ENPP2: variants seen among roughly 807,000 people sequenced by gnomAD.
The protein encoded by ENPP2 is autotaxin.
In ENPP2, 51 loss-of-function variants were observed where a neutral mutation model predicts 120.2. The ratio of observed to expected loss-of-function variants is 0.42; its 90% CI spans 0.34 to 0.54. The LOEUF is 0.54. Among genes scored for constraint, ENPP2 ranks in the 20% least tolerant of loss-of-function variants. ENPP2 has a pLI of 0.04. For missense variants in ENPP2, 920 were observed against 1,066.5 expected (o/e 0.86, Z 1.91); for synonymous variants, 365 against 366.4 (o/e 1.00, Z 0.04).
chr8:119,626,513 G>A (rs1816286740), intron 3 of ENPP2, 52 bp downstream of exon 3: 3 of 1,492,730 alleles, frequency 2.0e-6, no homozygotes, highest in Middle Eastern at 1.7e-4. Context: ...ACAATAGCAG[G>A]CAGTCTTTAA....
At chr8:119,652,569 GT>G (rs1817657224) in intron 1 of ENPP2, among the ~76,000 whole-genome samples, 1 of 152,072 alleles carries the variant, frequency 6.6e-6, no homozygotes. Context: ...CCCTCTTCCT[GT>G]CCCTTTCAGC....
chr8:119,634,755 T>G (rs1816897621), intron 2 of ENPP2, among the ~76,000 whole-genome samples: 1 of 152,184 alleles, frequency 6.6e-6, no homozygotes, highest in African/African-American at 2.4e-5. Flanking sequence ...AAAATATAAT[T>G]TTGGGGAAGA....
At chr8:119,641,566 C>T (rs981368784), upstream of ENPP2, among the ~76,000 whole-genome samples, 2 of 152,192 alleles carry the variant, frequency 1.3e-5, no homozygotes, top group African/African-American at 4.8e-5. Context: ...AGAACACTGC[C>T]CCCTGGCAGA....
At position 119,593,789 on chromosome 8, in the gene ENPP2, C is replaced by A. The variant is rs766065234; in HGVS notation, c.1044G>T (p.Leu348=). The part of the protein sequence containing the change: ...QLMDGLKQLK[L]HRCVNVIFVG... ...CAAAGATGACGTTGACACACCGATG[C>A]AGTTTTAGTTGTTTCAGTCCATCCA... The change falls in exon 12 of 25, where the codon CTG becomes CTT. Residue 348 remains leucine, a synonymous_variant. Coordinates refer to ENST00000075322, the MANE Select transcript of ENPP2 (RefSeq NM_001040092.3). 1.2e-6 allele frequency: 2 copies of A among 1,613,012 alleles called. No homozygotes were observed. The highest frequency in any genetic ancestry group is 2.2e-5 in the South Asian group (2 of 91,058).
intron 8 of ENPP2, among the ~76,000 whole-genome samples, chr8:119,611,071 A>AT (rs1469899889): frequency 6.6e-6 from 1 of 152,196 alleles, no homozygotes; most frequent in African/African-American, 2.4e-5. Context: ...ACAAATGGGA[A>AT]TGACATTGTA....
At chr8:119,673,346 G>A in exon 1 of ENPP2, 2 of 1,525,708 alleles carry the variant, frequency 1.3e-6, no homozygotes, top group Non-Finnish European at 1.8e-6. Flanking sequence ...CGCGACCTGG[G>A]AGCTGTGCTC....
At chr8:119,640,427 G>A (rs1227500674), upstream of ENPP2, among the ~76,000 whole-genome samples, 2 of 152,222 alleles carry the variant, frequency 1.3e-5, no homozygotes, top group East Asian at 3.9e-4. Flanking sequence ...AAAATATCAA[G>A]GCAATCCTGT....
intron 12 of ENPP2, chr8:119,592,964 TC>T (rs528677047): frequency 3.0e-4 from 294 of 981,330 alleles, no homozygotes; most frequent in Non-Finnish European, 3.1e-4. Context: ...CCAATTTTCA[TC>T]CTCCGAACTC....
chr8:119,627,485 G>C (rs1458046008), intron 2 of ENPP2, among the ~76,000 whole-genome samples: 1 of 151,876 alleles, frequency 6.6e-6, no homozygotes, highest in Non-Finnish European at 1.5e-5. Context: ...AAAATAGCTA[G>C]GTATTTTATT....
Position 119,569,299 on chromosome 8 carries a change from G to A in ENPP2, c.1989C>T (p.Phe663=). 1 of 1,613,996 alleles carries A rather than the reference G, an allele frequency of 6.2e-7. No homozygotes were observed. The highest frequency in any genetic ancestry group is 1.6e-4 in the Middle Eastern group (1 of 6,062). The change falls in exon 21 of 25, where the codon TTC becomes TTT. Residue 663 remains phenylalanine, a synonymous_variant. Coordinates refer to ENST00000075322, the MANE Select transcript of ENPP2 (RefSeq NM_001040092.3). The part of the protein sequence containing the change: ...VRPDVRVSPS[F]SQNCLAYKND... ...TTTTGTAGGCCAAACAGTTCTGACT[G>A]AAACTCGGAGAAACACGGACATCAG...
intron 2 of ENPP2, among the ~76,000 whole-genome samples, chr8:119,637,299 G>C (rs1817057456): frequency 6.6e-6 from 1 of 152,018 alleles, no homozygotes; most frequent in Admixed American, 6.6e-5. Context: ...TGTCCATTTG[G>C]CTCCCTGGGG....
intron 1 of ENPP2, among the ~76,000 whole-genome samples, chr8:119,671,292 C>T (rs1235078939): frequency 6.6e-6 from 1 of 151,992 alleles, no homozygotes; most frequent in Admixed American, 6.6e-5. Context: ...CAGAGCAAGA[C>T]TACATCTCAA....
chr8:119,587,824 A>G, intron 13 of ENPP2, among the ~76,000 whole-genome samples: 1 of 152,180 alleles, frequency 6.6e-6, no homozygotes, highest in Non-Finnish European at 1.5e-5. Flanking sequence ...TTTTGTTTTC[A>G]GGAAGTTTGC....
At chr8:119,583,895 C>T in intron 16 of ENPP2, 67 bp downstream of exon 16, 1 of 1,388,814 alleles carries the variant, frequency 7.2e-7, no homozygotes, top group Non-Finnish European at 1.0e-6. Flanking sequence ...TTCACTCACA[C>T]CACCATTACT....
intron 20 of ENPP2, among the ~76,000 whole-genome samples, chr8:119,569,998 G>A (rs185311132): frequency 6.7e-4 from 102 of 152,234 alleles, no homozygotes; most frequent in African/African-American, 2.3e-3. Flanking sequence ...GCCAGGCGTG[G>A]TGGCTCATGC....
At chr8:119,627,755 G>A (rs890025168) in intron 2 of ENPP2, among the ~76,000 whole-genome samples, 10 of 151,688 alleles carry the variant, frequency 6.6e-5, no homozygotes, top group Admixed American at 4.6e-4. Context: ...TCAGCTACTC[G>A]GGAGGCTGAG....
intron 12 of ENPP2, among the ~76,000 whole-genome samples, chr8:119,591,130 A>G (rs954192113): frequency 2.0e-5 from 3 of 151,878 alleles, no homozygotes; most frequent in African/African-American, 7.3e-5. Flanking sequence ...TCCTGTCTTG[A>G]GTACATAATC....
In ENPP2 at chr8:119,624,212, G is replaced by A. The variant is rs182600166; in HGVS notation, c.292+2353C>T. 4.8e-3 allele frequency among the ~76,000 whole-genome samples: 732 copies of A among 152,126 alleles called. 6 individuals carry two copies. Among genetic ancestry groups the A allele is most frequent in the African/African-American group, 0.017 (703 of 41,506 alleles). ...GGAACTATTGTCTTTATGTACAAATGAAATATAAAATAAATCCAGAGTTTA... is the reference window on the plus strand; with the variant it reads ...GGAACTATTGTCTTTATGTACAAATAAAATATAAAATAAATCCAGAGTTTA... On this transcript the variant is annotated intron_variant, in intron 3 of 24. Transcript: ENST00000075322.
chr8:119,668,839 C>T (rs760262538), intron 1 of ENPP2, among the ~76,000 whole-genome samples: 2 of 152,162 alleles, frequency 1.3e-5, no homozygotes, highest in Non-Finnish European at 2.9e-5. Context: ...CCACTTCTCT[C>T]TAACTTTCTG....
Sources: gnomAD v4.1 joint callset for allele counts (sites outside exome capture counted in the v4.1 genomes callset) on GRCh38, gnomAD v4.1.1 for gene constraint, MANE v1.5 for transcripts, NCBI Gene and HGNC (gene_info 2026-07-23, HGNC 2026-07-21) for gene names.